CCSER2: variants seen among roughly 807,000 people sequenced by gnomAD.
CCSER2 encodes coiled-coil serine rich protein 2, also known as serine-rich coiled-coil domain-containing protein 2.
Under a neutral mutation model 92.3 loss-of-function variants are expected in CCSER2, and 46 were observed. The observed-to-expected ratio is 0.50, with a 90% CI of 0.39 to 0.64. The LOEUF is 0.64. Among genes scored for constraint, CCSER2 ranks in the 30% least tolerant of loss-of-function variants. CCSER2 has a pLI of 0.00. For missense variants in CCSER2, 1,244 were observed against 1,238.9 expected (o/e 1.00, Z -0.06); for synonymous variants, 433 against 431.4 (o/e 1.00, Z -0.04).
chr10:84,330,916 G>A (rs1843530778), intron 1 of CCSER2, among the ~76,000 whole-genome samples: 1 of 152,154 alleles, frequency 6.6e-6, no homozygotes, highest in African/African-American at 2.4e-5. Flanking sequence ...AAGTCACGCA[G>A]GTAGAAAGGG....
At chr10:84,356,001 G>C (rs1385134323) in intron 1 of CCSER2, among the ~76,000 whole-genome samples, 1 of 151,772 alleles carries the variant, frequency 6.6e-6, no homozygotes, top group East Asian at 1.9e-4. Context: ...TACTTGGGAG[G>C]CTGAGGCAGG....
At chr10:84,444,547 T>G (rs969673654) in intron 6 of CCSER2, among the ~76,000 whole-genome samples, 31 of 152,304 alleles carry the variant, frequency 2.0e-4, no homozygotes, top group African/African-American at 7.5e-4. Context: ...CAGGATTTTT[T>G]TTTAACCCTA....
Position 84,373,877 on chromosome 10 carries a change from A to G in CCSER2, c.1614+62A>G, listed in dbSNP as rs751831944. ...TTACCCTACTATAGAGAGACTTGTG[A>G]TATGATTGATTTTGTAAAAAATTTA... On this transcript the variant is annotated intron_variant, in intron 3 of 9. Coordinates refer to ENST00000372088, the MANE Select transcript of CCSER2 (RefSeq NM_001284240.2). 8 of 1,596,034 alleles carry G rather than the reference A, an allele frequency of 5.0e-6. No individual in the cohort carries two copies. The East Asian group carries it at 6.8e-5, about 14-fold the overall frequency.
intron 7 of CCSER2, among the ~76,000 whole-genome samples, chr10:84,466,494 T>C (rs997525379): frequency 7.3e-5 from 11 of 149,666 alleles, no homozygotes; most frequent in African/African-American, 2.4e-4. Flanking sequence ...TGCTTTCTTT[T>C]TTTTGTTTTT....
At chr10:84,502,775 T>C (rs1209209209) in intron 9 of CCSER2, among the ~76,000 whole-genome samples, 4 of 152,204 alleles carry the variant, frequency 2.6e-5, no homozygotes, top group African/African-American at 9.7e-5. Flanking sequence ...AGCAGTTTGT[T>C]GTTTTTTAAG....
At chr10:84,418,426 A>ATT (rs199954711) in intron 4 of CCSER2, among the ~76,000 whole-genome samples, 3 of 151,892 alleles carry the variant, frequency 2.0e-5, no homozygotes, top group Non-Finnish European at 4.4e-5. Context: ...CACTTGTAGG[A>ATT]TTTTTTTTAT....
chr10:84,436,643 A>G (rs1023084585), intron 5 of CCSER2, among the ~76,000 whole-genome samples: 1 of 151,920 alleles, frequency 6.6e-6, no homozygotes, highest in Non-Finnish European at 1.5e-5. Flanking sequence ...TCAAAAAAAA[A>G]AAAAAAAAAG....
rs190259069 is a variant in CCSER2 at position 84,499,758 on chromosome 10, T to A, written c.2326-13691T>A. 52 of 875,192 alleles carry A rather than the reference T, an allele frequency of 5.9e-5. No individual in the cohort carries two copies. The African/African-American group carries it at 6.7e-4, about 11-fold the overall frequency. The allele number at this position is 875,192 out of a possible 1,614,324, so 54.2% of individuals were successfully genotyped here. On this transcript the variant is annotated intron_variant, in intron 9 of 9. Coordinates refer to ENST00000372088, the MANE Select transcript of CCSER2 (RefSeq NM_001284240.2). Reference sequence around the variant, plus strand: ...GTATTTTAAAAAAATGAAATCTGTCTTCTCGTTAACACTATTGCTCTGTGT... The same window carrying A: ...GTATTTTAAAAAAATGAAATCTGTCATCTCGTTAACACTATTGCTCTGTGT...
At chr10:84,387,462 T>G (rs988061862) in intron 3 of CCSER2, among the ~76,000 whole-genome samples, 8 of 152,202 alleles carry the variant, frequency 5.3e-5, no homozygotes, top group Admixed American at 3.3e-4. Flanking sequence ...TCCTCCTACT[T>G]TTGGCACTTT....
At chr10:84,504,999 A>G (rs1848968122) in intron 9 of CCSER2, among the ~76,000 whole-genome samples, 1 of 152,156 alleles carries the variant, frequency 6.6e-6, no homozygotes, top group Non-Finnish European at 1.5e-5. Flanking sequence ...TATAATAGTA[A>G]TGTAGTGACT....
Position 84,513,850 on chromosome 10 carries a change from G to A in CCSER2, c.2727G>A (p.Pro909=), listed in dbSNP as rs926445428. ...QAKRVGRNQS[P]PVGYMSQPKS... is the part of the protein sequence containing the mutation. ...AGAGAGTTGGAAGAAATCAGTCTCC[G>A]CCAGTGGGTTATATGTCTCAGCCCA... The change falls in exon 10 of 10, where the codon CCG becomes CCA. Residue 909 remains proline (P), a synonymous_variant. Coordinates refer to ENST00000372088, the MANE Select transcript of CCSER2 (RefSeq NM_001284240.2). 1.0e-5 allele frequency: 16 copies of A among 1,536,246 alleles called. No homozygotes were observed. The Middle Eastern group carries it at 5.0e-4, about 48-fold the overall frequency.
intron 4 of CCSER2, among the ~76,000 whole-genome samples, chr10:84,418,130 G>A (rs1441384469): frequency 6.6e-6 from 1 of 151,976 alleles, no homozygotes; most frequent in East Asian, 1.9e-4. Flanking sequence ...TTTTTTCTGT[G>A]TATGTACCCA....
chr10:84,349,191 A>G (rs1191746334), intron 1 of CCSER2, among the ~76,000 whole-genome samples: 1 of 152,222 alleles, frequency 6.6e-6, no homozygotes, highest in Non-Finnish European at 1.5e-5. Flanking sequence ...GGTGACTTAA[A>G]GTTGGATTCC....
chr10:84,384,282 CA>C (rs1387890149), intron 3 of CCSER2, among the ~76,000 whole-genome samples: 2 of 151,996 alleles, frequency 1.3e-5, no homozygotes, highest in African/African-American at 4.8e-5. Context: ...TGTATGAAAC[CA>C]ATATCATCCT....
intron 6 of CCSER2, among the ~76,000 whole-genome samples, chr10:84,450,632 T>G (rs942206035): frequency 2.0e-5 from 3 of 152,168 alleles, no homozygotes; most frequent in Admixed American, 1.3e-4. Flanking sequence ...ACTGCATCAA[T>G]AAAACATGAA....
intron 3 of CCSER2, among the ~76,000 whole-genome samples, chr10:84,383,411 C>T (rs950426795): frequency 2.0e-5 from 3 of 151,950 alleles, no homozygotes; most frequent in African/African-American, 7.3e-5. Flanking sequence ...CCTGAGTTCA[C>T]GCCACTCTCC....
chr10:84,421,120 G>A (rs1035807833), intron 4 of CCSER2, among the ~76,000 whole-genome samples: 7 of 152,116 alleles, frequency 4.6e-5, no homozygotes, highest in African/African-American at 7.2e-5. Flanking sequence ...CATGGAAGAA[G>A]CCATGAGGAG....
At chr10:84,386,563 A>G (rs1212179493) in intron 3 of CCSER2, among the ~76,000 whole-genome samples, 1 of 152,152 alleles carries the variant, frequency 6.6e-6, no homozygotes, top group Non-Finnish European at 1.5e-5. Flanking sequence ...CTAAAACTAC[A>G]AAAATTAGCC....
intron 9 of CCSER2, among the ~76,000 whole-genome samples, chr10:84,509,830 G>A (rs905833998): frequency 2.6e-5 from 4 of 152,136 alleles, no homozygotes; most frequent in Non-Finnish European, 2.9e-5. Context: ...GAAATCCATC[G>A]ATTAGCGGAA....
Sources: gnomAD v4.1 joint callset for allele counts (sites outside exome capture counted in the v4.1 genomes callset) on GRCh38, gnomAD v4.1.1 for gene constraint, MANE v1.5 for transcripts, NCBI Gene and HGNC (gene_info 2026-07-23, HGNC 2026-07-21) for gene names.